TRAPPC8: variants seen among roughly 807,000 people sequenced by gnomAD.
TRAPPC8 encodes general sporulation gene 1 homolog.
TRAPPC8 carries 54 observed loss-of-function variants against 174.3 expected under a neutral mutation model. The observed-to-expected ratio is 0.31, with a 90% confidence interval of 0.25 to 0.39. The LOEUF (loss-of-function observed/expected upper bound fraction) is 0.39, where lower values mean the gene tolerates loss of function less well. Ranked by LOEUF, TRAPPC8 falls within the 10% of genes least tolerant of loss-of-function variation. The probability of loss-of-function intolerance (pLI) is 1.00; values close to 1 mark genes in which losing one functional copy is unlikely to be tolerated. For synonymous variants in TRAPPC8, 630 were observed against 579.9 expected (o/e 1.09, Z -1.24); for missense variants, 1,531 against 1,699.1 (o/e 0.90, Z 1.74).
chr18:31,873,637 A>G, intron 13 of TRAPPC8, 99 bp from the exon 14 acceptor site: 1 of 765,744 alleles, frequency 1.3e-6, no homozygotes, highest in East Asian at 2.8e-5. Flanking sequence ...AAAATATGTT[A>G]AGCAAGAATA....
chr18:31,841,909 G>C (rs2144980547), intron 26 of TRAPPC8, among the ~76,000 whole-genome samples: 1 of 152,180 alleles, frequency 6.6e-6, no homozygotes, highest in South Asian at 2.1e-4. Context: ...TCTCAGACTT[G>C]TTTTCTTTAA....
At chr18:31,942,509 G>A (rs2038391385) in intron 1 of TRAPPC8, 99 bp downstream of exon 1, 8 of 1,377,712 alleles carry the variant, frequency 5.8e-6, no homozygotes, top group Non-Finnish European at 6.6e-6. Flanking sequence ...CCGGCTCCAG[G>A]ACGTAAACAC....
Position 31,929,042 on chromosome 18 carries a change from C to T in TRAPPC8, c.352+2287G>A, listed in dbSNP as rs530442269. Among the ~76,000 whole-genome samples the T allele has an allele frequency of 7.9e-5, 12 of 151,816 alleles. No homozygotes were observed. The East Asian group carries it at 2.1e-3, about 27-fold the overall frequency. ...CTAAAAATACAAAAAATTAGCTGGGCGTGGTGGTGGGCACCTGTAATCCCA... is the reference window on the plus strand; with the variant it reads ...CTAAAAATACAAAAAATTAGCTGGGTGTGGTGGTGGGCACCTGTAATCCCA... On this transcript the variant is annotated intron_variant, in intron 2 of 28. Transcript: ENST00000283351.
In TRAPPC8 at chr18:31,934,733, G is replaced by A. The variant is rs549123775; in HGVS notation, c.158-3210C>T. Among the ~76,000 whole-genome samples, 21 of 151,916 alleles carry A rather than the reference G, an allele frequency of 1.4e-4. No individual in the cohort carries two copies. The South Asian group carries it at 3.7e-3, about 27-fold the overall frequency. On this transcript the variant is annotated intron_variant, in intron 1 of 28. Transcript: ENST00000283351. ...AAATACAAAATTAGCCGGGCATGGTGGCACGTGCCTGTAATCCCAGCTACT... is the reference window on the plus strand; with the variant it reads ...AAATACAAAATTAGCCGGGCATGGTAGCACGTGCCTGTAATCCCAGCTACT...
chr18:31,875,372 T>C (rs1263330480), intron 12 of TRAPPC8, among the ~76,000 whole-genome samples: 1 of 150,938 alleles, frequency 6.6e-6, no homozygotes, highest in Non-Finnish European at 1.5e-5. Flanking sequence ...TTTTTTTCTA[T>C]ATTAAAAATT....
intron 6 of TRAPPC8, 153 bp downstream of exon 6, chr18:31,909,514 C>T: frequency 2.0e-6 from 2 of 979,746 alleles, no homozygotes; most frequent in Non-Finnish European, 2.4e-6. Context: ...ACTCAAGTAG[C>T]TCAGTAAAAT....
chr18:31,837,054 G>T (rs550011919), intron 27 of TRAPPC8, among the ~76,000 whole-genome samples: 1 of 151,966 alleles, frequency 6.6e-6, no homozygotes. Flanking sequence ...GAGCCACCGC[G>T]CCCGGCCCAT....
At chr18:31,915,474 G>T (rs867595600) in intron 4 of TRAPPC8, among the ~76,000 whole-genome samples, 1 of 129,076 alleles carries the variant, frequency 7.7e-6, no homozygotes, top group Non-Finnish European at 1.7e-5. Flanking sequence ...AAAAAAGGGG[G>T]GGGGGGCGCA....
intron 2 of TRAPPC8, among the ~76,000 whole-genome samples, chr18:31,929,519 C>T (rs1471849903): frequency 6.6e-6 from 1 of 152,020 alleles, no homozygotes; most frequent in Non-Finnish European, 1.5e-5. Flanking sequence ...AGAGAGAGAC[C>T]TTGTCTCTTT....
At position 31,942,926 on chromosome 18, in the gene TRAPPC8, C is replaced by T; in HGVS notation, c.-162G>A. On this transcript the variant is annotated 5_prime_UTR_variant, in exon 1 of 29. Coordinates refer to ENST00000283351, the MANE Select transcript of TRAPPC8 (RefSeq NM_014939.5). ...CAAGAAGGAACAGACGCCGCCGCTTCGGTTTCTGGGGCACAATCCACTGAC... is the reference window on the plus strand; with the variant it reads ...CAAGAAGGAACAGACGCCGCCGCTTTGGTTTCTGGGGCACAATCCACTGAC... The T allele has an allele frequency of 8.1e-7, 1 of 1,232,282 alleles. No homozygotes were observed. Among genetic ancestry groups the T allele is most frequent in the Non-Finnish European group, 1.0e-6 (1 of 985,584 alleles). The allele number at this position is 1,232,282 out of a possible 1,614,324, so 76.3% of individuals were successfully genotyped here.
chr18:31,937,022 C>T (rs1196988509), intron 1 of TRAPPC8, among the ~76,000 whole-genome samples: 2 of 150,886 alleles, frequency 1.3e-5, no homozygotes, highest in South Asian at 2.1e-4. Flanking sequence ...ACCATCCTGG[C>T]TAACATGGTG....
At chr18:31,840,458 A>G (rs1167273146) in intron 26 of TRAPPC8, among the ~76,000 whole-genome samples, 3 of 152,132 alleles carry the variant, frequency 2.0e-5, no homozygotes, top group Non-Finnish European at 4.4e-5. Context: ...CATTTCTACT[A>G]TTATTTTCTT....
chr18:31,897,273 ACT>A (rs1162678374), intron 11 of TRAPPC8, among the ~76,000 whole-genome samples: 2 of 152,212 alleles, frequency 1.3e-5, no homozygotes, highest in Non-Finnish European at 2.9e-5. Flanking sequence ...TAAATGAATT[ACT>A]TTTTTCTCTT....
chr18:31,831,127 T>A (rs1227644279), intron 28 of TRAPPC8, 138 bp from the exon 29 acceptor site: 1 of 645,510 alleles, frequency 1.5e-6, no homozygotes, highest in African/African-American at 1.8e-5. Flanking sequence ...CTGAGGCAGG[T>A]GGATCACCTG....
intron 13 of TRAPPC8, chr18:31,873,771 G>T: frequency 2.7e-6 from 1 of 368,406 alleles, no homozygotes; most frequent in Non-Finnish European, 4.9e-6. Context: ...TAATTACCTG[G>T]ATGTTAAATA....
In TRAPPC8 at chr18:31,832,147, A is replaced by G. The variant is rs750272375; in HGVS notation, c.4010T>C (p.Leu1337Ser). Residue 1337 changes from leucine (L) to serine (S), a missense_variant, in exon 28 of 29, where the codon TTA becomes TCA. Physicochemically the swap from Leu to Ser is moderately radical, Grantham distance 145 (BLOSUM62 -2). Coordinates refer to ENST00000283351, the MANE Select transcript of TRAPPC8 (RefSeq NM_014939.5). ...ATCAGCCTTAGAACAATTGGAAAGT[A>G]AAAGAGTGACTGGTACTAAACAAAG... ...KSLCLVPVTL[L>S]LSNCSKADVD... The G allele has an allele frequency of 6.4e-7, 1 of 1,550,880 alleles. No homozygotes were observed. The highest frequency in any genetic ancestry group is 1.3e-5 in the South Asian group (1 of 79,030).
chr18:31,883,240 AAAAG>A (rs2035545673), intron 12 of TRAPPC8: 1 of 151,606 alleles, frequency 6.6e-6, no homozygotes, highest in African/African-American at 2.4e-5. Flanking sequence ...AAAAAAAAAA[AAAAG>A]AGAGAGGTAC....
chr18:31,877,694 C>T (rs1049375795), intron 12 of TRAPPC8, among the ~76,000 whole-genome samples: 18 of 149,610 alleles, frequency 1.2e-4, no homozygotes, highest in African/African-American at 4.4e-4. Context: ...GAGGCCAAGG[C>T]GGGTGGATCA....
At chr18:31,870,091 CAA>C (rs35938138) in intron 16 of TRAPPC8, 557 of 152,264 alleles carry the variant, frequency 3.7e-3, no homozygotes, top group South Asian at 0.014. Context: ...GACTCTGTCT[CAA>C]AAAAAAAAAA....
Sources: gnomAD v4.1 joint callset for allele counts (sites outside exome capture counted in the v4.1 genomes callset) on GRCh38, gnomAD v4.1.1 for gene constraint, MANE v1.5 for transcripts, NCBI Gene and HGNC (gene_info 2026-07-23, HGNC 2026-07-21) for gene names.